Variants in BOD1L1 observed in about 807,000 individuals in gnomAD.
The protein encoded by BOD1L1 is biorientation of chromosomes in cell division 1 like 1.
BOD1L1 carries 86 observed loss-of-function variants against 240.7 expected under a neutral mutation model. The ratio of observed to expected loss-of-function variants is 0.36; its 90% CI spans 0.30 to 0.43. The LOEUF (loss-of-function observed/expected upper bound fraction) is 0.43, where lower values mean the gene tolerates loss of function less well. Among genes scored for constraint, BOD1L1 ranks in the 20% least tolerant of loss-of-function variants. The pLI is 1.00. For synonymous variants in BOD1L1, 1,268 were observed against 1,272.3 expected, an observed-to-expected ratio of 1.00 and a Z score of 0.07; for missense variants, 3,554 against 3,643.5, an observed-to-expected ratio of 0.98 and a Z score of 0.63.
chr4:13,619,868 T>C, intron 2 of BOD1L1, 75 bp downstream of exon 2: 6 of 1,511,650 alleles, frequency 4.0e-6, no homozygotes, highest in South Asian at 2.5e-5. Flanking sequence ...CAAATATGTA[T>C]GTAATGCCTC....
chr4:13,605,835 A>G (rs1240130291), intron 9 of BOD1L1, among the ~76,000 whole-genome samples: 3 of 152,194 alleles, frequency 2.0e-5, no homozygotes, highest in Non-Finnish European at 4.4e-5. Context: ...CACAGTAACC[A>G]TATCATATAT....
At chr4:13,607,028 T>G in intron 9 of BOD1L1, 89 bp downstream of exon 9, 1 of 916,378 alleles carries the variant, frequency 1.1e-6, no homozygotes. Context: ...TTGAAAAAAG[T>G]CAAATTACAT....
At chr4:13,582,172 A>T in intron 19 of BOD1L1, 65 bp downstream of exon 19, 1 of 1,347,016 alleles carries the variant, frequency 7.4e-7, no homozygotes, top group Non-Finnish European at 1.0e-6. Context: ...AACAGTATTT[A>T]ATGAATTTAA....
intron 11 of BOD1L1, among the ~76,000 whole-genome samples, chr4:13,596,401 G>A (rs1273032578): frequency 1.3e-5 from 2 of 152,140 alleles, no homozygotes; most frequent in South Asian, 2.1e-4. Context: ...CTATTCCAGT[G>A]TCCTCCTTGC....
chr4:13,579,799 CA>C (rs1430374210), intron 22 of BOD1L1, 128 bp downstream of exon 22: 14 of 665,060 alleles, frequency 2.1e-5, no homozygotes, highest in Non-Finnish European at 3.6e-5. Context: ...GATACAAGGA[CA>C]ATTATTTTTA....
chr4:13,591,876 T>A (rs1459435397), intron 13 of BOD1L1, 47 bp downstream of exon 13: 5 of 1,442,528 alleles, frequency 3.5e-6, no homozygotes, highest in Non-Finnish European at 4.7e-6. Flanking sequence ...AAAATAAAAT[T>A]AAAAAACCCA....
chr4:13,581,754 G>A (rs1017784023), intron 19 of BOD1L1, among the ~76,000 whole-genome samples: 6 of 152,190 alleles, frequency 3.9e-5, no homozygotes, highest in Admixed American at 2.0e-4. Context: ...AGCAGGCAGG[G>A]CTGGGATGCT....
chr4:13,579,986 A>G lies in BOD1L1; in HGVS notation c.8704-13T>C. On this transcript the variant is annotated splice_polypyrimidine_tract_variant and intron_variant, in intron 21 of 25. Transcript: ENST00000040738. The stretch of plus-strand genomic sequence containing the variant: ...GAGATTGTTCTACCTATGTTTAAAT[A>G]AACAAACAAAAAAAAATTTTAAATC... 1 of 1,541,000 alleles carries G rather than the reference A, an allele frequency of 6.5e-7. No homozygotes were observed. The highest frequency in any genetic ancestry group is 8.8e-7 in the Non-Finnish European group (1 of 1,138,024).
chr4:13,620,791 G>C (rs1337571655), intron 1 of BOD1L1, among the ~76,000 whole-genome samples: 6 of 152,158 alleles, frequency 3.9e-5, no homozygotes, highest in Non-Finnish European at 7.3e-5. Flanking sequence ...GGTCTTTACT[G>C]GGGTGGCAGA....
At chr4:13,573,443 T>TCTAC (rs1712394785) in intron 25 of BOD1L1, among the ~76,000 whole-genome samples, 2 of 35,642 alleles carry the variant, frequency 5.6e-5, no homozygotes, top group Non-Finnish European at 1.3e-4. Context: ...TGTCTGTCTG[T>TCTAC]CTATCTATCT....
At chr4:13,620,198 A>G (rs1560219943) in intron 1 of BOD1L1, 131 bp from the exon 2 acceptor site, 2 of 927,502 alleles carry the variant, frequency 2.2e-6, no homozygotes, top group Non-Finnish European at 3.1e-6. Flanking sequence ...GATAACTTAC[A>G]CTCATTCAAA....
rs533176656 is a variant in BOD1L1 at position 13,568,851 on chromosome 4, C to T, written c.*1160G>A. The T allele has an allele frequency of 6.6e-6, 1 of 151,918 alleles. No individual in the cohort carries two copies. Among genetic ancestry groups the T allele is most frequent in the East Asian group, 1.9e-4 (1 of 5,172 alleles). The allele number at this position is 151,918 out of a possible 1,614,324, so 9.4% of individuals were successfully genotyped here. A position where few individuals can be genotyped will look rare whatever the true frequency, so the allele number is the denominator to read the frequency against. On this transcript the variant is annotated 3_prime_UTR_variant, in exon 26 of 26. Coordinates refer to ENST00000040738, the MANE Select transcript of BOD1L1 (RefSeq NM_148894.3). ...AAATAAAAAAAAAAACCCATACACA[C>T]TGAATGTAAATTTTAATTATAAAAC...
At chr4:13,593,571 G>A (rs1460735172) in intron 12 of BOD1L1, 4 of 151,988 alleles carry the variant, frequency 2.6e-5, no homozygotes, top group Admixed American at 2.6e-4. Context: ...AGATGGGGTG[G>A]GGGAAGAGAT....
Position 13,605,093 on chromosome 4 carries a change from A to G in BOD1L1, c.1816-9T>C. ...TTTTCCTTTTCACAATGCTGAAAGA[A>G]AACAAAGGTTAAAATATGAGAAATA... On this transcript the variant is annotated splice_polypyrimidine_tract_variant and intron_variant, in intron 9 of 25. Transcript: ENST00000040738. 1 of 1,518,746 alleles carries G rather than the reference A, an allele frequency of 6.6e-7. No individual in the cohort carries two copies. The highest frequency in any genetic ancestry group is 8.8e-7 in the Non-Finnish European group (1 of 1,139,688). The allele number at this position is 1,518,746 out of a possible 1,614,324, so 94.1% of individuals were successfully genotyped here.
chr4:13,609,810 A>G (rs1241333435), intron 6 of BOD1L1, among the ~76,000 whole-genome samples: 1 of 152,170 alleles, frequency 6.6e-6, no homozygotes, highest in Non-Finnish European at 1.5e-5. Flanking sequence ...GTTCTTATAG[A>G]AAACAGTTGA....
chr4:13,622,646 G>A (rs1717118568), intron 1 of BOD1L1, among the ~76,000 whole-genome samples: 1 of 152,124 alleles, frequency 6.6e-6, no homozygotes, highest in Non-Finnish European at 1.5e-5. Flanking sequence ...ACCTCAATCT[G>A]TTCCAAGGCA....
In BOD1L1 at chr4:13,609,288, TC is replaced by T; in HGVS notation, c.1603+6del. ...TAGTTTAAAATATTAAAAGTTGACA[TC>T]TATACCTTGACCCTTGGTTTTTGAA... On this transcript the variant is annotated splice_donor_region_variant and intron_variant, in intron 7 of 25. Transcript: ENST00000040738. 1 of 1,490,568 alleles carries T rather than the reference TC, an allele frequency of 6.7e-7. No homozygotes were observed. Among genetic ancestry groups the T allele is most frequent in the Non-Finnish European group, 8.9e-7 (1 of 1,119,254 alleles). The allele number at this position is 1,490,568 out of a possible 1,614,324, so 92.3% of individuals were successfully genotyped here. A position where few individuals can be genotyped will look rare whatever the true frequency, so the allele number is the denominator to read the frequency against.
At chr4:13,583,789 C>T (rs1713423917) in intron 17 of BOD1L1, among the ~76,000 whole-genome samples, 1 of 152,116 alleles carries the variant, frequency 6.6e-6, no homozygotes, top group African/African-American at 2.4e-5. Context: ...TTGCCGAAAC[C>T]TCAAACCAGT....
intron 16 of BOD1L1, among the ~76,000 whole-genome samples, chr4:13,587,130 C>T (rs897037918): frequency 6.6e-6 from 1 of 152,168 alleles, no homozygotes; most frequent in African/African-American, 2.4e-5. Flanking sequence ...TAGTCACTAA[C>T]CACATCTGGC....
Sources: allele counts gnomAD v4.1 joint callset (sites outside exome capture counted in the v4.1 genomes callset), GRCh38; gene constraint gnomAD v4.1.1; transcripts MANE v1.5; gene names NCBI Gene and HGNC (gene_info 2026-07-23, HGNC 2026-07-21).